The following KANK1 variants were observed in gnomAD, a reference collection of about 807,000 sequenced individuals.
KANK1 encodes the protein KN motif and ankyrin repeat domains 1, also known as KN motif and ankyrin repeat domain-containing protein 1.
Under a neutral mutation model 106.2 loss-of-function variants are expected in KANK1, and 109 were observed. That is an observed-to-expected ratio of 1.03 (90% confidence interval 0.88 to 1.20). The LOEUF is 1.20. Ranked by LOEUF, KANK1 falls within the 50% of genes most tolerant of loss-of-function variation. KANK1 has a pLI of 0.00. For synonymous variants in KANK1, 873 were observed against 652.2 expected (o/e 1.34, Z -5.16); for missense variants, 2,399 against 1,710.7 (o/e 1.40, Z -7.10).
chr9:684,399 A>G, intron 2 of KANK1: 17 of 985,382 alleles, frequency 1.7e-5, no homozygotes, highest in Non-Finnish European at 2.0e-5. Flanking sequence ...GCCAACAAGA[A>G]AGAAAGAAAA....
intron 1 of KANK1, among the ~76,000 whole-genome samples, chr9:641,472 A>G (rs908471795): frequency 6.6e-6 from 1 of 152,318 alleles, no homozygotes; most frequent in South Asian, 2.1e-4. Flanking sequence ...TGAAATGGCT[A>G]AGATCATCTC....
intron 1 of KANK1, among the ~76,000 whole-genome samples, chr9:593,065 G>A (rs2135595768): frequency 6.6e-6 from 1 of 151,886 alleles, no homozygotes; most frequent in South Asian, 2.1e-4. Context: ...AATGCTAGTA[G>A]ACAATCTTGT....
At chr9:569,556 C>G (rs529579769) in intron 1 of KANK1, among the ~76,000 whole-genome samples, 1 of 152,278 alleles carries the variant, frequency 6.6e-6, no homozygotes, top group South Asian at 2.1e-4. Context: ...CAGCCCTAGA[C>G]TTTGGACTTC....
intron 1 of KANK1, among the ~76,000 whole-genome samples, chr9:574,412 G>C (rs958524497): frequency 6.6e-6 from 1 of 150,880 alleles, no homozygotes; most frequent in Non-Finnish European, 1.5e-5. Context: ...TTAAATTGAA[G>C]TATGGGGTGC....
chr9:686,371 T>G (rs960816739), intron 2 of KANK1, among the ~76,000 whole-genome samples: 5 of 152,186 alleles, frequency 3.3e-5, no homozygotes, highest in African/African-American at 1.2e-4. Context: ...CTGGTTTGTC[T>G]TCTTGTGACC....
intron 1 of KANK1, among the ~76,000 whole-genome samples, chr9:631,278 C>T (rs1261620442): frequency 5.9e-5 from 9 of 152,146 alleles, no homozygotes; most frequent in African/African-American, 9.7e-5. Flanking sequence ...GCAGCCCACA[C>T]GGAAAAAGAA....
intron 7 of KANK1, among the ~76,000 whole-genome samples, chr9:735,967 C>T (rs928906793): frequency 6.6e-5 from 10 of 152,248 alleles, no homozygotes; most frequent in African/African-American, 2.2e-4. Flanking sequence ...TGCACTCAAG[C>T]CTGGGTGACA....
Position 675,627 on chromosome 9 carries a change from C to A in KANK1, c.-83-1263C>A, listed in dbSNP as rs1191650365. Among the ~76,000 whole-genome samples, 5 of 151,896 alleles carry A rather than the reference C, an allele frequency of 3.3e-5. No individual in the cohort carries two copies. The East Asian group carries it at 7.7e-4, about 24-fold the overall frequency. On this transcript the variant is annotated intron_variant, in intron 1 of 11. Coordinates refer to ENST00000382297, the MANE Select transcript of KANK1 (RefSeq NM_015158.5). Reference sequence around the variant, plus strand: ...AAATGAATATATTGCCCAATGTGGACCCCGGTGTTTCAGAACTATGTGCCA... The same window carrying A: ...AAATGAATATATTGCCCAATGTGGAACCCGGTGTTTCAGAACTATGTGCCA...
chr9:718,493 A>G (rs112718276), intron 3 of KANK1, among the ~76,000 whole-genome samples: 2,678 of 138,050 alleles, frequency 0.019, 75 homozygotes, highest in African/African-American at 0.068. Flanking sequence ...TTGTATTTTT[A>G]GAGACAAGGT....
chr9:649,629 G>A (rs1275967452), intron 1 of KANK1, among the ~76,000 whole-genome samples: 1 of 152,220 alleles, frequency 6.6e-6, no homozygotes, highest in Non-Finnish European at 1.5e-5. Context: ...GCACAGAACA[G>A]TAGCTTTGAC....
At chr9:657,038 GT>G (rs1292377202) in intron 1 of KANK1, among the ~76,000 whole-genome samples, 3 of 150,018 alleles carry the variant, frequency 2.0e-5, no homozygotes, top group Non-Finnish European at 4.5e-5. Flanking sequence ...AAACAACTCT[GT>G]TTCCCCCTGT....
intron 2 of KANK1, among the ~76,000 whole-genome samples, chr9:696,138 G>T (rs912744553): frequency 6.6e-6 from 1 of 152,106 alleles, no homozygotes; most frequent in Non-Finnish European, 1.5e-5. Flanking sequence ...CAAAAAATTA[G>T]CCGGGCGTGG....
chr9:655,962 T>C (rs9408651), intron 1 of KANK1, among the ~76,000 whole-genome samples: 2 of 152,004 alleles, frequency 1.3e-5, no homozygotes, highest in African/African-American at 2.4e-5. Context: ...GGATCTTGCC[T>C]TCTGGCTTCC....
At chr9:697,475 A>C (rs1048827969) in intron 2 of KANK1, among the ~76,000 whole-genome samples, 9 of 152,246 alleles carry the variant, frequency 5.9e-5, no homozygotes, top group African/African-American at 2.2e-4. Context: ...ATAGTAATTG[A>C]GAAGTTGTAG....
chr9:534,759 C>A (rs12338448), intron 1 of KANK1, among the ~76,000 whole-genome samples: 3 of 152,214 alleles, frequency 2.0e-5, no homozygotes, highest in African/African-American at 7.2e-5. Flanking sequence ...ATGGCTTCTC[C>A]CAGAAACTTG....
intron 1 of KANK1, among the ~76,000 whole-genome samples, chr9:558,459 T>G (rs1815469207): frequency 6.6e-6 from 1 of 152,240 alleles, no homozygotes; most frequent in African/African-American, 2.4e-5. Context: ...TAGCCTTGTT[T>G]TGCATGTGTT....
intron 1 of KANK1, 25 bp downstream of exon 1, chr9:504,779 C>CGCCCCCCGTGCCGCGCT (rs1554723206): frequency 2.1e-5 from 3 of 140,820 alleles, no homozygotes; most frequent in South Asian, 2.1e-4. Context: ...GGGGCCGTGC[C>CGCCCCCCGTGCCGCGCT]GCGCCCCGTG....
chr9:504,537 C>A (rs1413386752), upstream of KANK1, among the ~76,000 whole-genome samples: 1 of 151,572 alleles, frequency 6.6e-6, no homozygotes, highest in African/African-American at 2.4e-5. Flanking sequence ...TTCTCACGCG[C>A]CGCTCCGGGG....
At chr9:706,356 T>C (rs1824155769) in intron 2 of KANK1, among the ~76,000 whole-genome samples, 1 of 152,190 alleles carries the variant, frequency 6.6e-6, no homozygotes, top group East Asian at 1.9e-4. Flanking sequence ...AAGAAATAAC[T>C]AAAGATGGAC....
Sources: allele counts gnomAD v4.1 joint callset (sites outside exome capture counted in the v4.1 genomes callset), GRCh38; gene constraint gnomAD v4.1.1; transcripts MANE v1.5; gene names NCBI Gene and HGNC (gene_info 2026-07-23, HGNC 2026-07-21).